Variants in ADGRF5 observed in about 807,000 individuals in gnomAD.
ADGRF5 encodes the protein G-protein coupled receptor 116.
A neutral mutation model predicts 132.3 loss-of-function variants in ADGRF5; 75 were observed. The ratio of observed to expected loss-of-function variants is 0.57; its 90% confidence interval spans 0.47 to 0.69. ADGRF5 has a LOEUF of 0.69. Among genes scored for constraint, ADGRF5 ranks in the 30% least tolerant of loss-of-function variants. ADGRF5 has a pLI of 0.00. For synonymous variants in ADGRF5, 629 were observed against 597.6 expected (o/e 1.05, Z -0.77); for missense variants, 1,516 against 1,630.6 (o/e 0.93, Z 1.21).
At chr6:46,864,502 G>A (rs914758569) in intron 14 of ADGRF5, among the ~76,000 whole-genome samples, 1 of 151,342 alleles carries the variant, frequency 6.6e-6, no homozygotes, top group South Asian at 2.1e-4. Context: ...TTTCTATTTA[G>A]CTCTTACTGT....
chr6:46,885,098 G>A (rs1772915720), intron 4 of ADGRF5, among the ~76,000 whole-genome samples: 1 of 151,748 alleles, frequency 6.6e-6, no homozygotes, highest in South Asian at 2.1e-4. Flanking sequence ...GGAGGCTGAG[G>A]TGGGAGGATT....
chr6:46,866,962 T>G lies in ADGRF5; in HGVS notation c.1797A>C (p.Lys599Asn). ...KCCIEEDGDYKVTFHTGSSSL... is the reference protein window; with the variant it reads ...KCCIEEDGDYNVTFHTGSSSL... ...ATGAGGAACCCGTATGGAAAGTAAC[T>G]TTGTAGTCTCCATCCTCCTCTATGC... Residue 599 changes from lysine to asparagine, a missense_variant, in exon 13 of 21, where the codon AAA (lysine) becomes AAC (asparagine). Coordinates refer to ENST00000283296, the MANE Select transcript of ADGRF5 (RefSeq NM_001098518.2). 1 of 1,613,180 alleles carries G rather than the reference T, an allele frequency of 6.2e-7. No homozygotes were observed. The highest frequency in any genetic ancestry group is 8.5e-7 in the Non-Finnish European group (1 of 1,179,116).
chr6:46,912,805 A>T (rs1225099880), intron 1 of ADGRF5, among the ~76,000 whole-genome samples: 1 of 151,984 alleles, frequency 6.6e-6, no homozygotes, highest in Non-Finnish European at 1.5e-5. Context: ...TGTGCAAATA[A>T]CTCACAATCT....
At chr6:46,937,782 T>C (rs962868935) in intron 1 of ADGRF5, among the ~76,000 whole-genome samples, 10 of 152,296 alleles carry the variant, frequency 6.6e-5, no homozygotes, top group Middle Eastern at 3.4e-3. Flanking sequence ...AATACATATC[T>C]TGACAGTCGA....
At chr6:46,929,087 C>G (rs1377509660) in intron 1 of ADGRF5, among the ~76,000 whole-genome samples, 2 of 152,038 alleles carry the variant, frequency 1.3e-5, no homozygotes, top group Non-Finnish European at 1.5e-5. Context: ...GACTTGGAAC[C>G]AACCCAAATG....
At chr6:46,871,656 C>A (rs930097819) in intron 11 of ADGRF5, among the ~76,000 whole-genome samples, 187 bp downstream of exon 11, 2 of 152,152 alleles carry the variant, frequency 1.3e-5, no homozygotes, top group African/African-American at 4.8e-5. Context: ...TGTTAAAAGA[C>A]TCCCTCTGAA....
chr6:46,882,079 C>G lies in ADGRF5; in HGVS notation c.641G>C (p.Gly214Ala), dbSNP rs746094396. 6.2e-7 allele frequency: 1 copy of G among 1,611,800 alleles called. No homozygotes were observed. The highest frequency in any genetic ancestry group is 8.5e-7 in the Non-Finnish European group (1 of 1,178,156). Residue 214 changes from glycine to alanine, a missense_variant, in exon 7 of 21, where the codon GGC (glycine) becomes GCC (alanine). Gly to Ala is a moderately conservative substitution (Grantham distance 60, BLOSUM62 0). Around this residue, in one of 2 missense-constraint regions of ADGRF5, gnomAD observed 945 missense variants for 929.4 expected, o/e 1.02. Coordinates refer to ENST00000283296, the MANE Select transcript of ADGRF5 (RefSeq NM_001098518.2). ...CCCTGTCACAGTCACGCCCTTGAAG[C>G]CTGGTAAAATTCCGTAACCCTTCCG... ...AFRKGYGILPGFKGVTVTGFK... is the reference protein window; with the variant it reads ...AFRKGYGILPAFKGVTVTGFK...
intron 2 of ADGRF5, among the ~76,000 whole-genome samples, chr6:46,906,092 T>C (rs1262842923): frequency 6.6e-6 from 1 of 152,124 alleles, no homozygotes; most frequent in Non-Finnish European, 1.5e-5. Flanking sequence ...ATCCCTCCCT[T>C]TACTTAAGCT....
intron 3 of ADGRF5, among the ~76,000 whole-genome samples, chr6:46,897,625 A>G (rs2150875706): frequency 6.6e-6 from 1 of 152,132 alleles, no homozygotes; most frequent in East Asian, 1.9e-4. Flanking sequence ...CCCAGGCTGG[A>G]GTGCAGTGGT....
intron 2 of ADGRF5, among the ~76,000 whole-genome samples, chr6:46,901,796 C>T (rs1285032610): frequency 6.6e-6 from 1 of 152,120 alleles, no homozygotes; most frequent in African/African-American, 2.4e-5. Context: ...TCTGTATAAC[C>T]TCTTCCTATT....
chr6:46,897,255 A>G (rs563078749), intron 3 of ADGRF5, among the ~76,000 whole-genome samples: 1 of 152,158 alleles, frequency 6.6e-6, no homozygotes, highest in South Asian at 2.1e-4. Flanking sequence ...CTGAGAATAA[A>G]TATAAGTATT....
chr6:46,888,530 G>A, intron 3 of ADGRF5, 25 bp from the exon 4 acceptor site: 3 of 1,545,670 alleles, frequency 1.9e-6, no homozygotes, highest in South Asian at 2.2e-5. Flanking sequence ...CATGAAGGCT[G>A]AGAGAACTTA....
intron 1 of ADGRF5, among the ~76,000 whole-genome samples, chr6:46,937,099 C>T (rs1185583855): frequency 2.6e-5 from 4 of 152,202 alleles, no homozygotes; most frequent in Admixed American, 2.0e-4. Flanking sequence ...TTGAGAATGT[C>T]ACTTCTTTTC....
chr6:46,873,463 C>T (rs1483421147), intron 10 of ADGRF5, among the ~76,000 whole-genome samples: 1 of 152,166 alleles, frequency 6.6e-6, no homozygotes, highest in African/African-American at 2.4e-5. Context: ...ATTCTCCTGA[C>T]CACCTTCTCT....
chr6:46,889,568 G>GTATATATATATATATATA (rs765350305), intron 3 of ADGRF5, among the ~76,000 whole-genome samples: 5 of 77,818 alleles, frequency 6.4e-5, no homozygotes, highest in Non-Finnish European at 1.3e-4. Flanking sequence ...GTGTGTGTGT[G>GTATATATATATATATATA]TATATATATA....
intron 15 of ADGRF5, among the ~76,000 whole-genome samples, chr6:46,861,893 T>A (rs1370584438): frequency 6.6e-6 from 1 of 152,212 alleles, no homozygotes. Flanking sequence ...ATAATTTATA[T>A]CTCTCATGCC....
upstream of ADGRF5, among the ~76,000 whole-genome samples, chr6:46,922,643 GCCCAAGGAGAACCCTT>G (rs1363170302): frequency 6.6e-6 from 1 of 152,188 alleles, no homozygotes; most frequent in African/African-American, 2.4e-5. Context: ...GGAAACTGAG[GCCCAAGGAGAACCCTT>G]CCCAAGGTCA....
intron 1 of ADGRF5, among the ~76,000 whole-genome samples, chr6:46,921,194 A>G (rs1287327918): frequency 6.6e-6 from 1 of 152,138 alleles, no homozygotes; most frequent in Non-Finnish European, 1.5e-5. Context: ...TGCAGCCTAC[A>G]TTTTACATTT....
At chr6:46,888,531 A>G (rs1175718538) in intron 3 of ADGRF5, 26 bp from the exon 4 acceptor site, 4 of 1,544,644 alleles carry the variant, frequency 2.6e-6, no homozygotes, top group Non-Finnish European at 3.6e-6. Context: ...ATGAAGGCTG[A>G]GAGAACTTAC....
Sources: gnomAD v4.1 joint callset for allele counts (sites outside exome capture counted in the v4.1 genomes callset) on GRCh38, gnomAD v4.1.1 for gene constraint, gnomAD v4.1.1 regional missense constraint, MANE v1.5 for transcripts, NCBI Gene and HGNC (gene_info 2026-07-23, HGNC 2026-07-21) for gene names.